Variants in UBE3D observed in about 807,000 individuals in gnomAD.
UBE3D encodes ubiquitin protein ligase E3D.
UBE3D carries 48 observed loss-of-function variants against 49.6 expected under a neutral mutation model. The ratio of observed to expected loss-of-function variants is 0.97; its 90% CI spans 0.77 to 1.23. The LOEUF is 1.23. Among genes scored for constraint, UBE3D ranks in the 50% most tolerant of loss-of-function variants. The probability of loss-of-function intolerance (pLI) is 0.00; values close to 1 mark genes in which losing one functional copy is unlikely to be tolerated. For missense variants in UBE3D, 452 were observed against 468.4 expected (o/e 0.96, Z 0.32); for synonymous variants, 189 against 174.2 (o/e 1.08, Z -0.67).
intron 9 of UBE3D, among the ~76,000 whole-genome samples, chr6:82,950,079 T>A (rs1472589976): frequency 6.6e-6 from 1 of 152,010 alleles, no homozygotes; most frequent in East Asian, 1.9e-4. Flanking sequence ...AAGAGACAAC[T>A]CACAGAATGG....
At chr6:82,957,995 C>T (rs1426129872) in intron 8 of UBE3D, among the ~76,000 whole-genome samples, 2 of 152,098 alleles carry the variant, frequency 1.3e-5, no homozygotes, top group South Asian at 2.1e-4. Context: ...CAAATAAAAG[C>T]GAAGCTGCTC....
At chr6:82,896,583 T>C (rs1771334686) in intron 9 of UBE3D, among the ~76,000 whole-genome samples, 1 of 152,144 alleles carries the variant, frequency 6.6e-6, no homozygotes, top group South Asian at 2.1e-4. Flanking sequence ...ACAATAAACA[T>C]GGCCAGGTTG....
At chr6:83,012,123 T>C (rs1407051791) in intron 8 of UBE3D, among the ~76,000 whole-genome samples, 3 of 152,152 alleles carry the variant, frequency 2.0e-5, no homozygotes, top group African/African-American at 7.2e-5. Context: ...AGCCATAAAG[T>C]GAGTGCCTTG....
At chr6:83,033,109 T>C (rs922943895) in intron 5 of UBE3D, among the ~76,000 whole-genome samples, 1 of 152,086 alleles carries the variant, frequency 6.6e-6, no homozygotes, top group African/African-American at 2.4e-5. Context: ...CTGACAATCA[T>C]GGTGGCAGGC....
At chr6:83,040,261 G>C (rs1782569311) in intron 4 of UBE3D, among the ~76,000 whole-genome samples, 1 of 151,994 alleles carries the variant, frequency 6.6e-6, no homozygotes, top group Non-Finnish European at 1.5e-5. Context: ...GTGCGCGCTT[G>C]TAGTCCCAGC....
At chr6:82,926,785 C>T (rs1773783255) in intron 9 of UBE3D, among the ~76,000 whole-genome samples, 1 of 152,104 alleles carries the variant, frequency 6.6e-6, no homozygotes. Flanking sequence ...AGGTTGTTTT[C>T]TTTTCTCCCA....
At chr6:83,007,343 G>A (rs998637546) in intron 8 of UBE3D, among the ~76,000 whole-genome samples, 1 of 152,042 alleles carries the variant, frequency 6.6e-6, no homozygotes, top group Non-Finnish European at 1.5e-5. Flanking sequence ...TTTCAAAAAG[G>A]TGGGAAGAAC....
At chr6:82,900,756 A>G (rs1480155512) in intron 9 of UBE3D, among the ~76,000 whole-genome samples, 2 of 152,186 alleles carry the variant, frequency 1.3e-5, no homozygotes, top group Non-Finnish European at 2.9e-5. Context: ...TGAGGGAATA[A>G]TTCTGTCCAG....
chr6:82,941,873 G>C (rs1775042130), intron 9 of UBE3D, among the ~76,000 whole-genome samples: 1 of 152,200 alleles, frequency 6.6e-6, no homozygotes, highest in African/African-American at 2.4e-5. Flanking sequence ...ACAGAACTGT[G>C]AGTTAATTAA....
downstream of UBE3D, among the ~76,000 whole-genome samples, chr6:82,888,705 A>G (rs893664451): frequency 6.6e-6 from 1 of 152,206 alleles, no homozygotes; most frequent in Admixed American, 6.5e-5. Flanking sequence ...CATAATTTAT[A>G]TGTAATGGTA....
chr6:83,027,458 A>AAAAAAAAAAAAAAAAAAAAG (rs571635643), intron 5 of UBE3D, among the ~76,000 whole-genome samples: 1 of 147,466 alleles, frequency 6.8e-6, no homozygotes, highest in African/African-American at 2.5e-5. Flanking sequence ...AAAAAAAAAA[A>AAAAAAAAAAAAAAAAAAAAG]AAAGAAACCA....
At chr6:82,919,274 G>A (rs183924283) in intron 9 of UBE3D, among the ~76,000 whole-genome samples, 4 of 152,056 alleles carry the variant, frequency 2.6e-5, no homozygotes, top group South Asian at 2.1e-4. Flanking sequence ...CCAAGTGGTG[G>A]TGACCCATGC....
chr6:82,932,535 T>C (rs1367684878), intron 9 of UBE3D: 4 of 152,164 alleles, frequency 2.6e-5, no homozygotes, highest in Non-Finnish European at 4.4e-5. Flanking sequence ...CGATTCCAAA[T>C]CACCCTTAGG....
chr6:82,928,784 C>T (rs765457319), intron 9 of UBE3D, among the ~76,000 whole-genome samples: 8 of 152,122 alleles, frequency 5.3e-5, no homozygotes, highest in Non-Finnish European at 8.8e-5. Flanking sequence ...ATCCAAACAG[C>T]AGCAGTCTCT....
chr6:82,981,224 T>C (rs1262544551), intron 8 of UBE3D, among the ~76,000 whole-genome samples: 2 of 152,130 alleles, frequency 1.3e-5, no homozygotes, highest in African/African-American at 2.4e-5. Flanking sequence ...CCTTTGAGGC[T>C]GTCTTTTTAG....
At chr6:82,994,391 T>C (rs1247371302) in intron 8 of UBE3D, among the ~76,000 whole-genome samples, 1 of 152,204 alleles carries the variant, frequency 6.6e-6, no homozygotes, top group African/African-American at 2.4e-5. Context: ...ATTTGAGCAG[T>C]AGCAGTATTC....
rs1410875175 is a variant in UBE3D, at chr6:83,044,479, T to C, written c.546A>G (p.Glu182=). The change falls in exon 4 of 10, where the codon GAA becomes GAG. Residue 182 remains glutamate (E), a synonymous_variant. Transcript: ENST00000369747. ...CACAGCACATCTCCACTGGGGATAGTTCAGGTCTTTGCTGCCACAAACTGG... is the reference window on the plus strand; with the variant it reads ...CACAGCACATCTCCACTGGGGATAGCTCAGGTCTTTGCTGCCACAAACTGG... ...LRTSLWQQRP[E]LSPVEMCCVS... is the part of the protein sequence containing the mutation. The C allele has an allele frequency of 2.5e-6, 4 of 1,614,140 alleles. No individual in the cohort carries two copies. Among genetic ancestry groups the C allele is most frequent in the Non-Finnish European group, 3.4e-6 (4 of 1,179,994 alleles).
chr6:82,918,287 C>CAA (rs200134659), intron 9 of UBE3D, among the ~76,000 whole-genome samples: 103 of 136,920 alleles, frequency 7.5e-4, no homozygotes, highest in African/African-American at 8.1e-4. Flanking sequence ...ACAACAACAA[C>CAA]AACAAAAAAA....
chr6:83,025,813 G>T (rs2127780419), intron 5 of UBE3D, among the ~76,000 whole-genome samples: 1 of 149,970 alleles, frequency 6.7e-6, no homozygotes, highest in South Asian at 2.1e-4. Flanking sequence ...AAACCAGGAG[G>T]CAGATGTTGC....
Sources: gnomAD v4.1 joint callset for allele counts (sites outside exome capture counted in the v4.1 genomes callset) on GRCh38, gnomAD v4.1.1 for gene constraint, MANE v1.5 for transcripts, NCBI Gene and HGNC (gene_info 2026-07-23, HGNC 2026-07-21) for gene names.